CYLD: variants seen among roughly 807,000 people sequenced by gnomAD.
CYLD encodes the protein ubiquitin carboxyl-terminal hydrolase CYLD.
Under a neutral mutation model 104.5 loss-of-function variants are expected in CYLD, and 26 were observed. The ratio of observed to expected loss-of-function variants is 0.25; its 90% CI spans 0.18 to 0.35. The LOEUF is 0.35. Ranked by LOEUF, CYLD falls within the 10% of genes least tolerant of loss-of-function variation. CYLD has a pLI of 1.00. For missense variants in CYLD, 703 were observed against 1,136.1 expected, an observed-to-expected ratio of 0.62 and a Z score of 5.48; for synonymous variants, 385 against 399.9, an observed-to-expected ratio of 0.96 and a Z score of 0.45.
chr16:50,745,814 A>G (rs372240554), intron 2 of CYLD, among the ~76,000 whole-genome samples: 1 of 152,158 alleles, frequency 6.6e-6, no homozygotes, highest in Non-Finnish European at 1.5e-5. Flanking sequence ...TAACTCATTT[A>G]CAATGTGATT....
intron 11 of CYLD, 48 bp from the exon 12 acceptor site, chr16:50,784,281 G>A: frequency 6.3e-7 from 1 of 1,597,506 alleles, no homozygotes. Context: ...TCTGTTTCTT[G>A]AAAAATATGT....
chr16:50,782,554 G>A (rs1309494762), intron 11 of CYLD, 88 bp downstream of exon 11: 7 of 1,412,108 alleles, frequency 5.0e-6, no homozygotes, highest in South Asian at 1.2e-5. Context: ...GTGTGAGTGT[G>A]TGTGAAAGAA....
intron 18 of CYLD, chr16:50,795,749 C>T: frequency 1.7e-6 from 1 of 596,598 alleles, no homozygotes. Context: ...TTGCACTAAA[C>T]AGCGTAACAC....
At chr16:50,759,723 C>T (rs1269755720) in intron 5 of CYLD, among the ~76,000 whole-genome samples, 1 of 152,132 alleles carries the variant, frequency 6.6e-6, no homozygotes, top group Non-Finnish European at 1.5e-5. Flanking sequence ...TTGTTTCCAC[C>T]TCCTTTTCCA....
intron 18 of CYLD, among the ~76,000 whole-genome samples, chr16:50,796,037 T>C (rs377439417): frequency 2.0e-5 from 3 of 152,212 alleles, no homozygotes; most frequent in East Asian, 1.9e-4. Flanking sequence ...TACATATGTA[T>C]TGATAATATG....
chr16:50,757,828 G>A (rs757130985), intron 5 of CYLD, among the ~76,000 whole-genome samples: 6 of 152,108 alleles, frequency 3.9e-5, no homozygotes, highest in Admixed American at 1.3e-4. Flanking sequence ...GAGCCACTGC[G>A]CCCGGCCTAG....
intron 3 of CYLD, 113 bp downstream of exon 3, chr16:50,750,315 G>A: frequency 1.5e-5 from 19 of 1,251,378 alleles, no homozygotes; most frequent in Middle Eastern, 4.3e-4. Flanking sequence ...TTTCCCAAGA[G>A]TCTTCTGTAA....
chr16:50,762,370 G>C (rs952355959), intron 5 of CYLD, among the ~76,000 whole-genome samples: 1 of 152,310 alleles, frequency 6.6e-6, no homozygotes, highest in East Asian at 1.9e-4. Context: ...GTTTTGAACA[G>C]GATATGAAAT....
intron 18 of CYLD, 27 bp from the exon 19 acceptor site, chr16:50,796,297 A>G (rs1321099337): frequency 1.9e-6 from 3 of 1,612,546 alleles, no homozygotes; most frequent in Non-Finnish European, 8.5e-7. Flanking sequence ...TGACTGCCCT[A>G]TAAAGAGTTC....
At position 50,754,990 on chromosome 16, in the gene CYLD, T is replaced by TATATGTATATATAC. The variant is rs1966874132; in HGVS notation, c.913+570_913+571insGTATATATACATAT. 5.0e-4 allele frequency among the ~76,000 whole-genome samples: 6 copies of TATATGTATATATAC among 12,086 alleles called. 1 individual carries two copies. Among genetic ancestry groups the TATATGTATATATAC allele is most frequent in the African/African-American group, 2.3e-3 (6 of 2,554 alleles). 7.9% of individuals were successfully genotyped at this position (12,086 alleles called of 152,430 possible). On this transcript the variant is annotated intron_variant, in intron 5 of 18. Coordinates refer to ENST00000427738, the MANE Select transcript of CYLD (RefSeq NM_001378743.1). Reference sequence around the variant, plus strand: ...ACACATATATGTATACATATATACATATATATGTATATATACATATATATG... The same window carrying TATATGTATATATAC: ...ACACATATATGTATACATATATACATATATGTATATATACATATATGTATATATACATATATATG...
chr16:50,753,176 C>A (rs891278428), intron 4 of CYLD, among the ~76,000 whole-genome samples: 5 of 152,188 alleles, frequency 3.3e-5, no homozygotes, highest in African/African-American at 1.2e-4. Flanking sequence ...AACGTTTACT[C>A]TTAACATGTG....
chr16:50,781,484 G>C, intron 10 of CYLD, 73 bp downstream of exon 10: 1 of 1,529,498 alleles, frequency 6.5e-7, no homozygotes, highest in Non-Finnish European at 9.0e-7. Context: ...TGTTATATTA[G>C]GTGATGGTGA....
At chr16:50,789,419 C>T (rs912700028) in intron 14 of CYLD, among the ~76,000 whole-genome samples, 9 of 152,074 alleles carry the variant, frequency 5.9e-5, no homozygotes, top group Admixed American at 1.3e-4. Flanking sequence ...ATGTAATACA[C>T]GCCCAGTAAT....
chr16:50,750,620 A>G (rs931628322), intron 3 of CYLD, among the ~76,000 whole-genome samples: 5 of 152,184 alleles, frequency 3.3e-5, no homozygotes, highest in African/African-American at 1.2e-4. Context: ...TGTAAAGATG[A>G]TGTCGAAACT....
Position 50,788,944 on chromosome 16 carries a change from G to A in CYLD, c.2108+1092G>A, listed in dbSNP as rs564031474. Among the ~76,000 whole-genome samples the A allele has an allele frequency of 4.6e-5, 7 of 152,238 alleles. 1 individual carries two copies. Among genetic ancestry groups the A allele is most frequent in the African/African-American group, 1.4e-4 (6 of 41,542 alleles). ...ATTAGTGAGAAAGATTACGTTCTGG[G>A]TAGGACAATTAAATAATTTAAAGAT... On this transcript the variant is annotated intron_variant, in intron 14 of 18. Transcript: ENST00000427738.
At chr16:50,742,671 C>G (rs1020482208) in intron 1 of CYLD, 91 bp from the exon 2 acceptor site, 19 of 395,958 alleles carry the variant, frequency 4.8e-5, no homozygotes, top group Admixed American at 3.5e-4. Flanking sequence ...GCGTACGTAC[C>G]GATCGATTTT....
At chr16:50,795,793 C>T in intron 18 of CYLD, 1 of 563,994 alleles carries the variant, frequency 1.8e-6, no homozygotes, top group Non-Finnish European at 3.2e-6. Flanking sequence ...ACTGAGGTAA[C>T]CCAGAGGAGC....
At position 50,754,955 on chromosome 16, in the gene CYLD, A is replaced by G. The variant is rs933706207; in HGVS notation, c.913+531A>G. On this transcript the variant is annotated intron_variant, in intron 5 of 18. Transcript: ENST00000427738. The stretch of plus-strand genomic sequence containing the variant: ...CACATATGTATATATACACACATAT[A>G]TACATATACACACATATATGTATAC... Among the ~76,000 whole-genome samples, 72 of 146,438 alleles carry G rather than the reference A, an allele frequency of 4.9e-4. 1 individual carries two copies. Among genetic ancestry groups the G allele is most frequent in the Admixed American group, 8.2e-4 (12 of 14,558 alleles).
intron 5 of CYLD, among the ~76,000 whole-genome samples, chr16:50,757,285 T>G (rs1302047020): frequency 6.6e-6 from 1 of 152,224 alleles, no homozygotes; most frequent in Non-Finnish European, 1.5e-5. Context: ...GCTTTAGTTT[T>G]TAGCTTTACA....
Sources: gnomAD v4.1 joint callset for allele counts (sites outside exome capture counted in the v4.1 genomes callset) on GRCh38, gnomAD v4.1.1 for gene constraint, MANE v1.5 for transcripts, NCBI Gene and HGNC (gene_info 2026-07-23, HGNC 2026-07-21) for gene names.